The following LRMDA variants were observed in gnomAD, a reference collection of about 807,000 sequenced individuals.
The protein encoded by LRMDA is leucine-rich melanocyte differentiation-associated protein.
A neutral mutation model predicts 29.8 loss-of-function variants in LRMDA; 18 were observed. That is an observed-to-expected ratio of 0.60 (90% CI 0.42 to 0.90). The LOEUF is 0.90. Ranked by LOEUF, LRMDA falls within the 40% of genes least tolerant of loss-of-function variation. LRMDA has a pLI of 0.00. For missense variants in LRMDA, 273 were observed against 273.9 expected (o/e 1.00, Z 0.02); for synonymous variants, 125 against 109.4 (o/e 1.14, Z -0.89).
At chr10:76,076,302 T>C (rs1848955707) in intron 5 of LRMDA, among the ~76,000 whole-genome samples, 1 of 130,198 alleles carries the variant, frequency 7.7e-6, no homozygotes, top group African/African-American at 3.0e-5. Context: ...GAGACCGCCA[T>C]GCCACTGCAC....
chr10:76,079,690 A>T (rs1311393256), intron 5 of LRMDA, among the ~76,000 whole-genome samples: 1 of 152,236 alleles, frequency 6.6e-6, no homozygotes, highest in Admixed American at 6.5e-5. Flanking sequence ...AAAAGTAGTG[A>T]AAGTATTTCC....
chr10:75,586,119 C>A (rs1207297447), intron 2 of LRMDA, among the ~76,000 whole-genome samples: 1 of 151,948 alleles, frequency 6.6e-6, no homozygotes, highest in African/African-American at 2.4e-5. Context: ...ATTGTGAATA[C>A]TGCTGCAATG....
intron 5 of LRMDA, among the ~76,000 whole-genome samples, chr10:76,143,531 A>G (rs1475728286): frequency 6.6e-6 from 1 of 151,392 alleles, no homozygotes; most frequent in Non-Finnish European, 1.5e-5. Flanking sequence ...CCACTTTTTG[A>G]TGGGGTTGTT....
intron 2 of LRMDA, among the ~76,000 whole-genome samples, chr10:75,576,509 GT>G (rs1367778457): frequency 3.9e-5 from 6 of 152,238 alleles, no homozygotes; most frequent in African/African-American, 1.4e-4. Context: ...CCAGCACAGC[GT>G]TGGAGCTCTG....
At chr10:75,925,671 CTT>C (rs371918813) in intron 2 of LRMDA, among the ~76,000 whole-genome samples, 3 of 80,540 alleles carry the variant, frequency 3.7e-5, no homozygotes, top group Non-Finnish European at 5.0e-5. Context: ...TTTTCTTTTT[CTT>C]TTTTTTTTTT....
intron 6 of LRMDA, among the ~76,000 whole-genome samples, chr10:76,406,695 C>G (rs1035830617): frequency 9.2e-5 from 14 of 152,088 alleles, no homozygotes; most frequent in Non-Finnish European, 1.3e-4. Flanking sequence ...GTCAGGTGTC[C>G]TTTCATTCAT....
chr10:76,000,621 A>G (rs1847546301), intron 2 of LRMDA, among the ~76,000 whole-genome samples: 1 of 152,144 alleles, frequency 6.6e-6, no homozygotes, highest in Non-Finnish European at 1.5e-5. Context: ...TTAGGAAGAC[A>G]TATGGTGGGC....
chr10:76,350,636 C>T (rs1350701532), intron 6 of LRMDA, among the ~76,000 whole-genome samples: 3 of 152,034 alleles, frequency 2.0e-5, no homozygotes, highest in East Asian at 1.9e-4. Flanking sequence ...TCTAGGAGAA[C>T]AAGCATTGTC....
chr10:76,013,098 G>T (rs868583072), intron 2 of LRMDA, among the ~76,000 whole-genome samples: 2 of 152,124 alleles, frequency 1.3e-5, no homozygotes, highest in African/African-American at 4.8e-5. Flanking sequence ...GAAAATGTTG[G>T]AAGCTTAAAG....
chr10:75,518,468 A>G (rs961769921), intron 2 of LRMDA, among the ~76,000 whole-genome samples: 5 of 151,954 alleles, frequency 3.3e-5, no homozygotes, highest in African/African-American at 9.7e-5. Flanking sequence ...TTTCTTCTAG[A>G]TTTTCTAGTT....
intron 3 of LRMDA, among the ~76,000 whole-genome samples, chr10:76,043,687 G>A (rs908560741): frequency 1.3e-5 from 2 of 152,152 alleles, no homozygotes; most frequent in African/African-American, 2.4e-5. Context: ...ACAAGTGAAG[G>A]TTCACTCAAC....
intron 6 of LRMDA, among the ~76,000 whole-genome samples, chr10:76,481,045 A>T (rs1201729610): frequency 6.6e-6 from 1 of 151,898 alleles, no homozygotes; most frequent in East Asian, 1.9e-4. Flanking sequence ...ACTTATTTGT[A>T]GCTTATTGAT....
intron 5 of LRMDA, among the ~76,000 whole-genome samples, chr10:76,192,863 G>A (rs1264424325): frequency 1.3e-5 from 2 of 152,118 alleles, no homozygotes; most frequent in African/African-American, 2.4e-5. Flanking sequence ...GCACTGCTCC[G>A]AACAATGTGT....
At chr10:76,269,484 C>T (rs936820726) in intron 5 of LRMDA, among the ~76,000 whole-genome samples, 3 of 152,042 alleles carry the variant, frequency 2.0e-5, no homozygotes, top group African/African-American at 7.2e-5. Context: ...TGGGGTTGCC[C>T]AGTTGTTGAA....
intron 2 of LRMDA, among the ~76,000 whole-genome samples, chr10:75,667,823 A>G (rs563882713): frequency 1.3e-5 from 2 of 152,328 alleles, no homozygotes; most frequent in South Asian, 2.1e-4. Flanking sequence ...AAACGTATTA[A>G]TTAGCATGTC....
chr10:76,202,007 G>T (rs1851440702), intron 5 of LRMDA, among the ~76,000 whole-genome samples: 1 of 152,072 alleles, frequency 6.6e-6, no homozygotes, highest in South Asian at 2.1e-4. Context: ...CTCTCTTCAT[G>T]TGGCCTTTCC....
chr10:75,846,308 G>C (rs574458000), intron 2 of LRMDA, among the ~76,000 whole-genome samples: 3 of 151,632 alleles, frequency 2.0e-5, no homozygotes, highest in South Asian at 2.1e-4. Flanking sequence ...ATAATTAAAG[G>C]GAAAGAAGGA....
At chr10:75,597,213 G>C (rs1463973068) in intron 2 of LRMDA, among the ~76,000 whole-genome samples, 1 of 152,130 alleles carries the variant, frequency 6.6e-6, no homozygotes, top group Non-Finnish European at 1.5e-5. Flanking sequence ...GACATCATGT[G>C]GTCTGCTGTT....
chr10:75,806,140 T>A (rs1843848182), intron 2 of LRMDA, among the ~76,000 whole-genome samples: 2 of 152,184 alleles, frequency 1.3e-5, no homozygotes, highest in Admixed American at 1.3e-4. Context: ...GATCTCATGA[T>A]AACTCTTACT....
Sources: gnomAD v4.1 joint callset for allele counts (sites outside exome capture counted in the v4.1 genomes callset) on GRCh38, gnomAD v4.1.1 for gene constraint, MANE v1.5 for transcripts, NCBI Gene and HGNC (gene_info 2026-07-23, HGNC 2026-07-21) for gene names.